ACTN1: variants seen among roughly 807,000 people sequenced by gnomAD.
The protein encoded by ACTN1 is actinin alpha 1.
Under a neutral mutation model 119.6 loss-of-function variants are expected in ACTN1, and 30 were observed. The ratio of observed to expected loss-of-function variants is 0.25; its 90% CI spans 0.19 to 0.34. The LOEUF is 0.34. Ranked by LOEUF, ACTN1 falls within the 10% of genes least tolerant of loss-of-function variation. The probability of loss-of-function intolerance (pLI) is 1.00; values close to 1 mark genes in which losing one functional copy is unlikely to be tolerated. For missense variants in ACTN1, 764 were observed against 1,223.4 expected, an observed-to-expected ratio of 0.62 and a Z score of 5.60; for synonymous variants, 429 against 472.6, an observed-to-expected ratio of 0.91 and a Z score of 1.20.
At chr14:68,902,645 GCAC>G (rs1485407580) in intron 7 of ACTN1, 83 bp from the exon 8 acceptor site, 3 of 1,154,740 alleles carry the variant, frequency 2.6e-6, no homozygotes, top group Admixed American at 1.9e-5. Context: ...GAAGCTCGCA[GCAC>G]CACCAAGTCT....
At chr14:68,895,918 C>T (rs911926911) in intron 8 of ACTN1, among the ~76,000 whole-genome samples, 3 of 152,102 alleles carry the variant, frequency 2.0e-5, no homozygotes, top group Admixed American at 6.5e-5. Context: ...GGGGAGATTC[C>T]GGGTGGGCCT....
intron 1 of ACTN1, among the ~76,000 whole-genome samples, chr14:68,949,405 A>G (rs10133100): frequency 0.031 from 4,729 of 152,278 alleles, 225 homozygotes; most frequent in African/African-American, 0.11. Context: ...CTGCAGCTCC[A>G]CAGTGTGCCC....
At chr14:68,912,688 T>C (rs1304555240) in intron 3 of ACTN1, among the ~76,000 whole-genome samples, 3 of 152,168 alleles carry the variant, frequency 2.0e-5, no homozygotes, top group African/African-American at 7.2e-5. Context: ...GGATGTTTCT[T>C]AAAGTTAATG....
intron 1 of ACTN1, chr14:68,978,002 G>A (rs900265683): frequency 1.1e-5 from 5 of 456,124 alleles, no homozygotes; most frequent in Admixed American, 9.4e-5. Flanking sequence ...CCACCACCAC[G>A]AGTGGTTTCT....
At chr14:68,926,060 A>T (rs528656824) in intron 1 of ACTN1, among the ~76,000 whole-genome samples, 1 of 152,386 alleles carries the variant, frequency 6.6e-6, no homozygotes, top group South Asian at 2.1e-4. Context: ...AAGACAGAGT[A>T]ACCCCGAAGG....
chr14:68,966,473 C>T (rs114146331), intron 1 of ACTN1, among the ~76,000 whole-genome samples: 1,599 of 152,284 alleles, frequency 0.011, 21 homozygotes, highest in African/African-American at 0.036. Flanking sequence ...GACAAGACCT[C>T]GGGTCTCCTG....
chr14:68,886,927 C>T (rs1479552740), intron 11 of ACTN1: 1 of 153,476 alleles, frequency 6.5e-6, no homozygotes, highest in Non-Finnish European at 1.4e-5. Context: ...GTTGCTGGGC[C>T]CTCAGCTTGC....
intron 1 of ACTN1, chr14:68,936,553 C>A: frequency 2.4e-6 from 1 of 421,120 alleles, no homozygotes; most frequent in South Asian, 2.5e-5. Flanking sequence ...TAGGGGGTGG[C>A]GGGAGGAACT....
chr14:68,878,528 G>A lies in ACTN1; in HGVS notation c.2362-5C>T, dbSNP rs775826419. ...GTCCATCATGCCTGTCTTCTTCTGT[G>A]GGGGGCAGTGGTACCAAGACACAAG... On this transcript the variant is annotated splice_polypyrimidine_tract_variant and splice_region_variant and intron_variant, in intron 19 of 21. Transcript: ENST00000394419. This position sits in a 1 kb window ranked among gnomAD's most constrained non-coding sequence, Gnocchi z 4.4. 17 of 1,608,742 alleles carry A rather than the reference G, an allele frequency of 1.1e-5. No individual in the cohort carries two copies. The highest frequency in any genetic ancestry group is 5.0e-5 in the Admixed American group (3 of 59,674).
At chr14:68,875,185 T>C in intron 21 of ACTN1, 168 bp from the exon 22 acceptor site, 1 of 1,493,252 alleles carries the variant, frequency 6.7e-7, no homozygotes, top group Non-Finnish European at 9.0e-7. Flanking sequence ...CACATGTACA[T>C]ACCGCATACA....
At chr14:68,888,647 C>T (rs2032224773) in intron 11 of ACTN1, among the ~76,000 whole-genome samples, 1 of 152,256 alleles carries the variant, frequency 6.6e-6, no homozygotes, top group Non-Finnish European at 1.5e-5. Flanking sequence ...CTGTTAGGAA[C>T]TGGGCTAAAT....
intron 1 of ACTN1, among the ~76,000 whole-genome samples, chr14:68,940,326 G>A (rs945662256): frequency 3.9e-5 from 6 of 152,198 alleles, no homozygotes; most frequent in Non-Finnish European, 7.3e-5. Flanking sequence ...CCAGCTGACA[G>A]GGATTTGGCC....
chr14:68,895,334 T>C (rs2032793746), intron 8 of ACTN1, among the ~76,000 whole-genome samples: 2 of 152,228 alleles, frequency 1.3e-5, no homozygotes, highest in African/African-American at 4.8e-5. Flanking sequence ...CTGATCGCCA[T>C]CTCTCTCGAG....
chr14:68,919,444 T>C (rs892946913), intron 3 of ACTN1, among the ~76,000 whole-genome samples: 1 of 152,228 alleles, frequency 6.6e-6, no homozygotes, highest in Non-Finnish European at 1.5e-5. Flanking sequence ...AAGTCTTGAA[T>C]TGCTCCCTAA....
chr14:68,946,120 G>A (rs956749933), intron 1 of ACTN1, among the ~76,000 whole-genome samples: 4 of 152,016 alleles, frequency 2.6e-5, no homozygotes, highest in Non-Finnish European at 4.4e-5. Context: ...GCAGGTCACC[G>A]TGCCCCGGCC....
chr14:68,883,067 T>C lies in ACTN1; in HGVS notation c.1636-12A>G, dbSNP rs1341952365. The C allele has an allele frequency of 6.2e-7, 1 of 1,611,966 alleles. No individual in the cohort carries two copies. Among genetic ancestry groups the C allele is most frequent in the East Asian group, 2.2e-5 (1 of 44,820 alleles). ...GCTGTGGTCAGTCCCTGGACAGAGA[T>C]GGGAATATGTGGGCAAGAGGAACAA... On this transcript the variant is annotated splice_polypyrimidine_tract_variant and intron_variant, in intron 14 of 21. Coordinates refer to ENST00000394419, the MANE Select transcript of ACTN1 (RefSeq NM_001130004.2).
At position 68,880,900 on chromosome 14, in the gene ACTN1, G is replaced by A. The variant is rs748260987; in HGVS notation, c.2043C>T (p.Tyr681=). 2.4e-5 allele frequency: 39 copies of A among 1,614,126 alleles called. No homozygotes were observed. The highest frequency in any genetic ancestry group is 3.2e-5 in the Non-Finnish European group (38 of 1,180,000). ...LRQYEKSIVN[Y]KPKIDQLEGD... is the part of the protein sequence containing the mutation. ...CCTCCAGCTGATCAATCTTTGGCTT[G>A]TAGTTGACGATGCTCTTCTCATACT... The change falls in exon 17 of 22, where the codon TAC becomes TAT. Residue 681 remains tyrosine (Y), a synonymous_variant. Transcript: ENST00000394419. This position sits in a 1 kb window ranked among gnomAD's most constrained non-coding sequence, Gnocchi z 4.6.
At chr14:68,941,855 G>A (rs2035770966) in intron 1 of ACTN1, among the ~76,000 whole-genome samples, 1 of 152,096 alleles carries the variant, frequency 6.6e-6, no homozygotes, top group Non-Finnish European at 1.5e-5. Flanking sequence ...GGATCCAGCA[G>A]GCACTGCACC....
At chr14:68,886,489 T>C (rs1047843722) in intron 11 of ACTN1, 1 of 152,240 alleles carries the variant, frequency 6.6e-6, no homozygotes, top group Non-Finnish European at 1.5e-5. Context: ...TTTCCTGCTT[T>C]TAAAATATTT....
Sources: allele counts gnomAD v4.1 joint callset (sites outside exome capture counted in the v4.1 genomes callset), GRCh38; gene constraint gnomAD v4.1.1; non-coding constraint Gnocchi (gnomAD v3.1); transcripts MANE v1.5; gene names NCBI Gene and HGNC (gene_info 2026-07-23, HGNC 2026-07-21).